Variants in VWA8 observed in about 807,000 individuals in gnomAD.
The protein encoded by VWA8 is von Willebrand factor A domain-containing protein 8.
VWA8 carries 221 observed loss-of-function variants against 241.5 expected under a neutral mutation model. The observed-to-expected ratio is 0.91, with a 90% CI of 0.82 to 1.02. VWA8 has a LOEUF of 1.02. VWA8 is among the 50% of genes least tolerant of loss of function. The probability of loss-of-function intolerance (pLI) is 0.00; values close to 1 mark genes in which losing one functional copy is unlikely to be tolerated. For missense variants in VWA8, 2,322 were observed against 2,328.7 expected, an observed-to-expected ratio of 1.00 and a Z score of 0.06; for synonymous variants, 852 against 827.1, an observed-to-expected ratio of 1.03 and a Z score of -0.52.
At chr13:41,570,384 T>C (rs1360072643) in intron 44 of VWA8, 84 bp downstream of exon 44, 28 of 1,238,000 alleles carry the variant, frequency 2.3e-5, no homozygotes, top group Non-Finnish European at 3.2e-5. Flanking sequence ...CTGTCCCTCA[T>C]GGTGCTAAGC....
chr13:41,745,999 T>C (rs1173545234), intron 21 of VWA8, among the ~76,000 whole-genome samples: 1 of 152,190 alleles, frequency 6.6e-6, no homozygotes, highest in East Asian at 1.9e-4. Context: ...AACCTAAATT[T>C]ATAATAGTGA....
At position 41,692,919 on chromosome 13, in the gene VWA8, G is replaced by C. The variant is rs748249125; in HGVS notation, c.3618C>G (p.Ile1206Met). The C allele has an allele frequency of 6.2e-7, 1 of 1,611,444 alleles. No individual in the cohort carries two copies. Among genetic ancestry groups the C allele is most frequent in the African/African-American group, 1.3e-5 (1 of 74,830 alleles). ...TAGATGTAAACTTCTCGGAAGGGAG[G>C]ATGAGACGATGAAGGGCCCGGCCAG... ...DTTGRALHRL[I>M]LPSEKFTSKK... Residue 1206 changes from isoleucine (I) to methionine (M), a missense_variant, in exon 30 of 45, where the codon ATC becomes ATG. By Grantham distance (10) the Ile-to-Met change is conservative. Transcript: ENST00000379310.
intron 35 of VWA8, among the ~76,000 whole-genome samples, chr13:41,680,085 C>A (rs1233261959): frequency 6.6e-6 from 1 of 151,978 alleles, no homozygotes; most frequent in Non-Finnish European, 1.5e-5. Context: ...GGATTAACAT[C>A]CAGTGCTTAT....
At chr13:41,916,174 CTAATA>C (rs1876246037) in intron 2 of VWA8, among the ~76,000 whole-genome samples, 1 of 152,186 alleles carries the variant, frequency 6.6e-6, no homozygotes, top group Non-Finnish European at 1.5e-5. Context: ...AGAACAGTGT[CTAATA>C]ACAGTAAATG....
At chr13:41,907,502 T>G (rs541965338) in intron 4 of VWA8, 84 bp downstream of exon 4, 63 of 1,178,218 alleles carry the variant, frequency 5.3e-5, no homozygotes, top group Non-Finnish European at 7.4e-5. Flanking sequence ...TACTGTTATA[T>G]GAGCTACTCT....
At chr13:41,910,140 C>A (rs1875922598) in intron 3 of VWA8, among the ~76,000 whole-genome samples, 1 of 152,136 alleles carries the variant, frequency 6.6e-6, no homozygotes, top group South Asian at 2.1e-4. Context: ...TTCACACTTA[C>A]AAATCTATGT....
intron 2 of VWA8, among the ~76,000 whole-genome samples, chr13:41,928,258 A>G (rs1005440492): frequency 6.6e-6 from 1 of 152,196 alleles, no homozygotes; most frequent in African/African-American, 2.4e-5. Context: ...TAAGCCTAAC[A>G]GACATATTTG....
At chr13:41,940,348 A>T (rs1877540997) in intron 2 of VWA8, among the ~76,000 whole-genome samples, 1 of 152,194 alleles carries the variant, frequency 6.6e-6, no homozygotes, top group Non-Finnish European at 1.5e-5. Flanking sequence ...GCATAAATAC[A>T]GGAAGAAAAG....
At position 41,629,081 on chromosome 13, in the gene VWA8, C is replaced by T. The variant is rs117305131; in HGVS notation, c.4612-13997G>A. 5.1e-3 allele frequency among the ~76,000 whole-genome samples: 774 copies of T among 151,718 alleles called. 4 individuals carry two copies. The highest frequency in any genetic ancestry group is 0.01 in the Middle Eastern group (3 of 294). On this transcript the variant is annotated intron_variant, in intron 37 of 44. Transcript: ENST00000379310. ...ACAAGCAAACAAACAAACAAAAAAA[C>T]GGGGGGACAACAAACACCAGGGCCA...
intron 17 of VWA8, among the ~76,000 whole-genome samples, chr13:41,796,921 T>C (rs1380414503): frequency 6.6e-6 from 1 of 152,194 alleles, no homozygotes; most frequent in Non-Finnish European, 1.5e-5. Context: ...TCCAACTAAA[T>C]AGGCTTTTAA....
At chr13:41,663,610 T>C (rs2044966817) in intron 37 of VWA8, among the ~76,000 whole-genome samples, 1 of 152,044 alleles carries the variant, frequency 6.6e-6, no homozygotes, top group African/African-American at 2.4e-5. Flanking sequence ...ACATTGTCTA[T>C]TGACTTCCTA....
At chr13:41,649,975 C>T (rs1355760182) in intron 37 of VWA8, among the ~76,000 whole-genome samples, 2 of 152,118 alleles carry the variant, frequency 1.3e-5, no homozygotes, top group South Asian at 2.1e-4. Context: ...TTGTAATTTA[C>T]GTTAAGTTAT....
At chr13:41,882,276 T>C (rs1874267011) in intron 9 of VWA8, among the ~76,000 whole-genome samples, 3 of 143,694 alleles carry the variant, frequency 2.1e-5, no homozygotes, top group East Asian at 2.1e-4. Context: ...CGTCACTTCC[T>C]AGATGGGATG....
In VWA8 at chr13:41,617,229, C is replaced by T. The variant is rs570831750; in HGVS notation, c.4612-2145G>A. On this transcript the variant is annotated intron_variant, in intron 37 of 44. Coordinates refer to ENST00000379310, the MANE Select transcript of VWA8 (RefSeq NM_015058.2). ...CACCTTCCAGGTTCAAACAATTCTC[C>T]GGCCTCAGCCTCCCAAGTAGCTGGG... Among the ~76,000 whole-genome samples, 583 of 152,182 alleles carry T rather than the reference C, an allele frequency of 3.8e-3. 3 individuals carry two copies. Among genetic ancestry groups the T allele is most frequent in the African/African-American group, 0.013 (535 of 41,520 alleles).
intron 2 of VWA8, among the ~76,000 whole-genome samples, chr13:41,931,496 A>G (rs915280554): frequency 2.6e-5 from 4 of 152,042 alleles, no homozygotes; most frequent in African/African-American, 9.7e-5. Flanking sequence ...CTAATGTACA[A>G]TATGAGGACT....
intron 40 of VWA8, among the ~76,000 whole-genome samples, chr13:41,591,689 T>C (rs1268998506): frequency 2.7e-5 from 4 of 149,380 alleles, no homozygotes; most frequent in African/African-American, 5.0e-5. Context: ...AGAAGACATT[T>C]ATGCAGCCAA....
chr13:41,601,485 T>C (rs531233782), intron 40 of VWA8, among the ~76,000 whole-genome samples: 2 of 152,148 alleles, frequency 1.3e-5, no homozygotes, highest in Non-Finnish European at 2.9e-5. Context: ...CAGAGAAAGG[T>C]TAATTTAGTT....
intron 4 of VWA8, among the ~76,000 whole-genome samples, chr13:41,906,418 A>G (rs761929777): frequency 3.1e-4 from 47 of 152,076 alleles, no homozygotes; most frequent in Non-Finnish European, 5.0e-4. Flanking sequence ...ACATATATGC[A>G]TTTCTTGTCT....
At chr13:41,807,588 A>G (rs1870271419) in intron 17 of VWA8, 1 of 152,188 alleles carries the variant, frequency 6.6e-6, no homozygotes, top group Non-Finnish European at 1.5e-5. Context: ...TAAAACAAAA[A>G]CCATGTGATC....
Sources: allele counts gnomAD v4.1 joint callset (sites outside exome capture counted in the v4.1 genomes callset), GRCh38; gene constraint gnomAD v4.1.1; transcripts MANE v1.5; gene names NCBI Gene and HGNC (gene_info 2026-07-23, HGNC 2026-07-21).